Variants in NRXN3 observed in about 807,000 individuals in gnomAD.
The protein encoded by NRXN3 is neurexin III.
A neutral mutation model predicts 137.6 loss-of-function variants in NRXN3; 32 were observed. That is an observed-to-expected ratio of 0.23 (90% CI 0.18 to 0.31). The LOEUF is 0.31. Ranked by LOEUF, NRXN3 falls within the 10% of genes least tolerant of loss-of-function variation. The pLI, the probability that NRXN3 is intolerant of heterozygous loss-of-function variation, is 1.00. For missense variants in NRXN3, 1,574 were observed against 2,062.5 expected (o/e 0.76, Z 4.59); for synonymous variants, 798 against 784.5 (o/e 1.02, Z -0.29).
rs559383893 is a variant in NRXN3 at position 78,569,865 on chromosome 14, C to T, written c.758-75255C>T. Among the ~76,000 whole-genome samples the T allele has an allele frequency of 2.0e-5, 3 of 152,366 alleles. No individual in the cohort carries two copies. In the South Asian group the frequency reaches 6.2e-4, roughly 32 times the overall value. ...ACTCAAGCGATCCTCCTGCCTCAGCCTCCTGAGTAGCTGCGACTACGGGCT... is the reference window on the plus strand; with the variant it reads ...ACTCAAGCGATCCTCCTGCCTCAGCTTCCTGAGTAGCTGCGACTACGGGCT... On this transcript the variant is annotated intron_variant, in intron 4 of 20. Coordinates refer to ENST00000335750, the MANE Select transcript of NRXN3 (RefSeq NM_001330195.2).
chr14:79,758,944 TGG>T (rs1246744710), intron 19 of NRXN3, among the ~76,000 whole-genome samples: 7 of 152,160 alleles, frequency 4.6e-5, no homozygotes. Flanking sequence ...AGAGAGAAAT[TGG>T]ACAAAATTAT....
At chr14:79,131,454 G>A (rs2057459120) in intron 15 of NRXN3, among the ~76,000 whole-genome samples, 1 of 152,162 alleles carries the variant, frequency 6.6e-6, no homozygotes, top group Non-Finnish European at 1.5e-5. Context: ...GTGTCAGTCT[G>A]CCCCTGCTGG....
At chr14:78,428,089 T>C (rs983058597) in intron 4 of NRXN3, among the ~76,000 whole-genome samples, 9 of 152,322 alleles carry the variant, frequency 5.9e-5, no homozygotes, top group South Asian at 2.1e-4. Context: ...ATATCTACTT[T>C]ACAGGGTTTT....
chr14:79,245,627 A>C (rs2075048222), intron 15 of NRXN3, among the ~76,000 whole-genome samples: 1 of 152,122 alleles, frequency 6.6e-6, no homozygotes, highest in Non-Finnish European at 1.5e-5. Context: ...CATGCAACCC[A>C]CAGTGCCTGG....
rs543482348 is a variant in NRXN3, at chr14:79,186,998, G to A, written c.3262+198857G>A. 3.3e-5 allele frequency among the ~76,000 whole-genome samples: 5 copies of A among 152,160 alleles called. No homozygotes were observed. In the South Asian group the frequency reaches 1.0e-3, roughly 32 times the overall value. ...ATATGTTATATGGACCTAAATGAAG[G>A]GAAATAAACATCTGGACAGATTCCT... On this transcript the variant is annotated intron_variant, in intron 15 of 20. Coordinates refer to ENST00000335750, the MANE Select transcript of NRXN3 (RefSeq NM_001330195.2).
At chr14:78,631,866 C>G (rs61976115) in intron 4 of NRXN3, among the ~76,000 whole-genome samples, 9,271 of 151,888 alleles carry the variant, frequency 0.061, 343 homozygotes, top group Middle Eastern at 0.15. Flanking sequence ...GCTGAGGCGG[C>G]AGGATCAGGA....
intron 16 of NRXN3, among the ~76,000 whole-genome samples, chr14:79,648,137 C>T (rs556748686): frequency 7.4e-5 from 10 of 135,156 alleles, no homozygotes; most frequent in African/African-American, 2.4e-4. Flanking sequence ...GAGGTTGCTA[C>T]TTATATGGTA....
At chr14:78,747,492 C>A (rs1055044614) in intron 8 of NRXN3, among the ~76,000 whole-genome samples, 1 of 152,088 alleles carries the variant, frequency 6.6e-6, no homozygotes, top group Non-Finnish European at 1.5e-5. Flanking sequence ...TCTTATTTCA[C>A]GTGCTTTAGT....
At chr14:79,650,538 C>A (rs1296933813) in intron 16 of NRXN3, among the ~76,000 whole-genome samples, 2 of 152,136 alleles carry the variant, frequency 1.3e-5, no homozygotes, top group African/African-American at 4.8e-5. Context: ...CCAAAACCTG[C>A]AGTAAGTGAA....
intron 15 of NRXN3, among the ~76,000 whole-genome samples, chr14:79,136,607 C>T (rs1385547878): frequency 6.6e-6 from 1 of 152,158 alleles, no homozygotes. Context: ...ACATTCACAG[C>T]TGACAATTGC....
At chr14:78,659,678 T>A in intron 6 of NRXN3, among the ~76,000 whole-genome samples, 1 of 138,970 alleles carries the variant, frequency 7.2e-6, no homozygotes, top group Non-Finnish European at 1.5e-5. Flanking sequence ...AGACTCTGTC[T>A]CAGAAAACAA....
intron 17 of NRXN3, among the ~76,000 whole-genome samples, chr14:79,687,419 G>A (rs1371749439): frequency 2.0e-5 from 3 of 152,160 alleles, no homozygotes; most frequent in Admixed American, 6.5e-5. Flanking sequence ...TGGGGGAAGA[G>A]ACATGGCAAT....
At position 78,513,383 on chromosome 14, in the gene NRXN3, G is replaced by T. The variant is rs79455505; in HGVS notation, c.758-131737G>T. 5.4e-3 allele frequency among the ~76,000 whole-genome samples: 829 copies of T among 152,260 alleles called. 36 individuals are homozygous for T. The East Asian group carries it at 0.088, about 16-fold the overall frequency. ...TAGTCTAACAGGAGAAACATTAGAA[G>T]TTGGTGGAGACGGCCTAGAAAAGGA... On this transcript the variant is annotated intron_variant, in intron 4 of 20. Transcript: ENST00000335750.
intron 15 of NRXN3, among the ~76,000 whole-genome samples, chr14:79,179,999 T>C (rs1375295439): frequency 2.0e-5 from 3 of 152,200 alleles, no homozygotes; most frequent in South Asian, 2.1e-4. Flanking sequence ...TTAGTCCAAA[T>C]AGTACAATCC....
intron 15 of NRXN3, among the ~76,000 whole-genome samples, chr14:79,292,968 A>T (rs1020025855): frequency 6.6e-6 from 1 of 152,170 alleles, no homozygotes; most frequent in Admixed American, 6.5e-5. Flanking sequence ...TGTCAATAAT[A>T]ATCTCAGGAG....
intron 10 of NRXN3, among the ~76,000 whole-genome samples, chr14:78,836,501 T>C (rs2098997412): frequency 1.3e-5 from 2 of 152,350 alleles, no homozygotes; most frequent in Middle Eastern, 3.4e-3. Context: ...GGGACTGATA[T>C]ACATTTTCAT....
intron 4 of NRXN3, among the ~76,000 whole-genome samples, chr14:78,398,504 A>G (rs115913264): frequency 0.014 from 2,163 of 152,186 alleles, 47 homozygotes; most frequent in African/African-American, 0.049. Flanking sequence ...TACTTGGCCA[A>G]TATTGACACA....
At chr14:78,851,464 G>A (rs997372789) in intron 10 of NRXN3, among the ~76,000 whole-genome samples, 2 of 152,198 alleles carry the variant, frequency 1.3e-5, no homozygotes, top group African/African-American at 4.8e-5. Flanking sequence ...AGATCTCATA[G>A]ATTAGCAGAC....
chr14:79,073,643 T>C (rs2099691298), intron 15 of NRXN3, among the ~76,000 whole-genome samples: 1 of 152,162 alleles, frequency 6.6e-6, no homozygotes, highest in African/African-American at 2.4e-5. Flanking sequence ...TTTATTCCCT[T>C]CCCTTTGCAA....
Sources: allele counts gnomAD v4.1 joint callset (sites outside exome capture counted in the v4.1 genomes callset), GRCh38; gene constraint gnomAD v4.1.1; transcripts MANE v1.5; gene names NCBI Gene and HGNC (gene_info 2026-07-23, HGNC 2026-07-21).